Variants in DMXL1 observed in about 807,000 individuals in gnomAD.
DMXL1 encodes Dmx like 1, also known as dmX-like protein 1.
A neutral mutation model predicts 319.2 loss-of-function variants in DMXL1; 99 were observed. That is an observed-to-expected ratio of 0.31 (90% CI 0.26 to 0.37). DMXL1 has a LOEUF of 0.37. Ranked by LOEUF, DMXL1 falls within the 10% of genes least tolerant of loss-of-function variation. The pLI is 1.00. For missense variants in DMXL1, 3,745 were observed against 3,595.6 expected (o/e 1.04, Z -1.06); for synonymous variants, 1,385 against 1,235.2 (o/e 1.12, Z -2.54).
At chr5:119,150,519 G>C in intron 18 of DMXL1, 98 bp downstream of exon 18, 1 of 1,333,018 alleles carries the variant, frequency 7.5e-7, no homozygotes, top group Non-Finnish European at 1.0e-6. Flanking sequence ...CTAGGCACAG[G>C]GGCTTATGCC....
intron 32 of DMXL1, among the ~76,000 whole-genome samples, chr5:119,198,390 A>T (rs1388585647): frequency 6.6e-6 from 1 of 152,238 alleles, no homozygotes; most frequent in South Asian, 2.1e-4. Context: ...CATAGACAAC[A>T]TGTACACAAA....
chr5:119,178,649 C>T (rs1028205141), intron 28 of DMXL1: 1 of 985,370 alleles, frequency 1.0e-6, no homozygotes, highest in Non-Finnish European at 1.2e-6. Context: ...TTCCAAAGCT[C>T]TTTCAGCCAT....
At chr5:119,155,916 A>G (rs973257505) in intron 19 of DMXL1, among the ~76,000 whole-genome samples, 2 of 152,022 alleles carry the variant, frequency 1.3e-5, no homozygotes, top group Non-Finnish European at 2.9e-5. Flanking sequence ...GGTGGAATCT[A>G]TTCCTGGTGA....
At chr5:119,093,138 TTGTGTCTC>T (rs1446937206) in intron 1 of DMXL1, among the ~76,000 whole-genome samples, 1 of 152,200 alleles carries the variant, frequency 6.6e-6, no homozygotes, top group Non-Finnish European at 1.5e-5. Flanking sequence ...TGCGCTCACT[TTGTGTCTC>T]TGTGTCGCAT....
intron 2 of DMXL1, among the ~76,000 whole-genome samples, chr5:119,100,351 G>A (rs1756969459): frequency 6.6e-6 from 1 of 151,080 alleles, no homozygotes. Context: ...CAGGAGAATC[G>A]CTTGAACCCG....
chr5:119,241,254 G>C (rs184601620), intron 42 of DMXL1, among the ~76,000 whole-genome samples: 1 of 152,078 alleles, frequency 6.6e-6, no homozygotes, highest in Non-Finnish European at 1.5e-5. Context: ...GTCTGAGGCC[G>C]GGCGCAGTGG....
rs142254529 is a variant in DMXL1, at chr5:119,146,234, T to G, written c.2570-603T>G. ...ATTGTGCACATAGTGAATAATAGAT[T>G]ATAATGAAGAAAACTTGGATTAAAA... On this transcript the variant is annotated intron_variant, in intron 15 of 43. Transcript: ENST00000539542. Among the ~76,000 whole-genome samples the G allele has an allele frequency of 3.8e-3, 578 of 152,040 alleles. 5 individuals are homozygous for G. The highest frequency in any genetic ancestry group is 0.014 in the African/African-American group (563 of 41,560).
chr5:119,196,512 GTTGTT>G, intron 31 of DMXL1, 56 bp downstream of exon 31: 1 of 656,606 alleles, frequency 1.5e-6, no homozygotes, highest in South Asian at 2.2e-5. Flanking sequence ...TTACTACTCT[GTTGTT>G]TTTTTTTTTT....
chr5:119,154,205 G>C (rs1770486435), intron 19 of DMXL1, among the ~76,000 whole-genome samples: 1 of 152,196 alleles, frequency 6.6e-6, no homozygotes, highest in Non-Finnish European at 1.5e-5. Flanking sequence ...AAGTGTTCAA[G>C]TGAAAGGAAG....
At chr5:119,238,441 A>G (rs907345029) in intron 40 of DMXL1, among the ~76,000 whole-genome samples, 16 of 152,140 alleles carry the variant, frequency 1.1e-4, no homozygotes, top group African/African-American at 3.6e-4. Context: ...GAAAAATGCT[A>G]TATGTTTTCT....
chr5:119,185,855 T>C (rs948134388), intron 28 of DMXL1, among the ~76,000 whole-genome samples: 2 of 152,142 alleles, frequency 1.3e-5, no homozygotes, highest in African/African-American at 4.8e-5. Context: ...AAGAAGTACC[T>C]TCAATTAATT....
At chr5:119,223,582 C>T (rs550864596) in intron 37 of DMXL1, among the ~76,000 whole-genome samples, 9 of 152,198 alleles carry the variant, frequency 5.9e-5, no homozygotes, top group Admixed American at 3.3e-4. Context: ...CTTTTTATTT[C>T]GGATAACTGT....
intron 32 of DMXL1, 65 bp from the exon 33 acceptor site, chr5:119,203,254 A>C: frequency 9.8e-7 from 1 of 1,022,582 alleles, no homozygotes; most frequent in Non-Finnish European, 1.4e-6. Flanking sequence ...GGCACCAAGG[A>C]ATTGTTATCA....
chr5:119,215,492 A>C (rs1298796332), intron 34 of DMXL1, among the ~76,000 whole-genome samples: 2 of 151,568 alleles, frequency 1.3e-5, no homozygotes, highest in African/African-American at 4.8e-5. Context: ...ATTTTTAGTA[A>C]AGTAATTTCT....
At chr5:119,131,824 A>T (rs1764959264) in intron 10 of DMXL1, among the ~76,000 whole-genome samples, 1 of 152,150 alleles carries the variant, frequency 6.6e-6, no homozygotes. Context: ...TGCAGAGCCC[A>T]TTTCTTATTA....
At chr5:119,111,685 T>C (rs1485213823) in intron 5 of DMXL1, among the ~76,000 whole-genome samples, 1 of 152,098 alleles carries the variant, frequency 6.6e-6, no homozygotes, top group Non-Finnish European at 1.5e-5. Flanking sequence ...AACACAAACA[T>C]GAGGAGAAAT....
At chr5:119,167,552 C>G in intron 22 of DMXL1, 51 bp from the exon 23 acceptor site, 1 of 1,457,792 alleles carries the variant, frequency 6.9e-7, no homozygotes, top group Non-Finnish European at 9.2e-7. Flanking sequence ...AGAATTTATC[C>G]TAAAATGAAA....
intron 28 of DMXL1, among the ~76,000 whole-genome samples, chr5:119,178,868 TCTG>T (rs1776304757): frequency 6.6e-6 from 1 of 152,194 alleles, no homozygotes; most frequent in African/African-American, 2.4e-5. Flanking sequence ...GAAAACTATC[TCTG>T]CTATTTTATT....
Position 119,196,427 on chromosome 5 carries a change from T to G in DMXL1, c.7514T>G (p.Phe2505Cys). ...TTGGTGCTCAACAATTTGAAGACTT[T>G]TTATCCCTTCGCAGGTCATGATCTT... is the stretch of plus-strand genomic sequence containing the variant. ...VQLVLNNLKT[F>C]YPFAGHDLAE... Residue 2505 changes from phenylalanine (F) to cysteine (C), a missense_variant, in exon 31 of 44, where the codon TTT becomes TGT. Coordinates refer to ENST00000539542, the MANE Select transcript of DMXL1 (RefSeq NM_001290321.3). The G allele has an allele frequency of 6.2e-7, 1 of 1,613,896 alleles. No individual in the cohort carries two copies. Among genetic ancestry groups the G allele is most frequent in the Non-Finnish European group, 8.5e-7 (1 of 1,179,844 alleles).
Sources: gnomAD v4.1 joint callset for allele counts (sites outside exome capture counted in the v4.1 genomes callset) on GRCh38, gnomAD v4.1.1 for gene constraint, MANE v1.5 for transcripts, NCBI Gene and HGNC (gene_info 2026-07-23, HGNC 2026-07-21) for gene names.